CFAP61: variants seen among roughly 807,000 people sequenced by gnomAD.
CFAP61 encodes the protein cilia and flagella associated protein 61.
CFAP61 carries 107 observed loss-of-function variants against 135.6 expected under a neutral mutation model. The ratio of observed to expected loss-of-function variants is 0.79; its 90% CI spans 0.67 to 0.93. CFAP61 has a LOEUF of 0.93. Among genes scored for constraint, CFAP61 ranks in the 40% least tolerant of loss-of-function variants. The probability of loss-of-function intolerance (pLI) is 0.00; values close to 1 mark genes in which losing one functional copy is unlikely to be tolerated. For missense variants in CFAP61, 1,507 were observed against 1,556.2 expected (o/e 0.97, Z 0.53); for synonymous variants, 575 against 578.5 (o/e 0.99, Z 0.09).
At chr20:20,073,052 A>G (rs1367386460) in intron 3 of CFAP61, among the ~76,000 whole-genome samples, 1 of 152,216 alleles carries the variant, frequency 6.6e-6, no homozygotes, top group Non-Finnish European at 1.5e-5. Flanking sequence ...GGATATTTGC[A>G]GCTGAAGTAA....
chr20:20,080,956 T>C (rs2146591741), intron 6 of CFAP61, among the ~76,000 whole-genome samples: 1 of 151,830 alleles, frequency 6.6e-6, no homozygotes, highest in Non-Finnish European at 1.5e-5. Context: ...GATCCGAGAT[T>C]GTGCCATTGT....
At chr20:20,151,422 A>G (rs1475535216) in intron 9 of CFAP61, among the ~76,000 whole-genome samples, 2 of 152,106 alleles carry the variant, frequency 1.3e-5, no homozygotes, top group South Asian at 2.1e-4. Context: ...AAACCTAAGG[A>G]TAACTGGTAT....
intron 22 of CFAP61, among the ~76,000 whole-genome samples, chr20:20,279,626 A>G (rs1198790459): frequency 6.6e-6 from 1 of 152,212 alleles, no homozygotes; most frequent in Non-Finnish European, 1.5e-5. Flanking sequence ...AAATCTATGC[A>G]TAAGTGACAC....
intron 26 of CFAP61, among the ~76,000 whole-genome samples, chr20:20,353,720 A>G (rs2058936940): frequency 6.6e-6 from 1 of 152,206 alleles, no homozygotes. Context: ...TGTGACCAAA[A>G]GATATATTTA....
At chr20:20,122,051 C>T (rs2049687093) in intron 8 of CFAP61, among the ~76,000 whole-genome samples, 1 of 151,784 alleles carries the variant, frequency 6.6e-6, no homozygotes, top group Non-Finnish European at 1.5e-5. Flanking sequence ...CACCCATCAC[C>T]CAGGCAGTAT....
At chr20:20,346,895 ATAAG>A (rs1348841572) in intron 26 of CFAP61, among the ~76,000 whole-genome samples, 2 of 152,228 alleles carry the variant, frequency 1.3e-5, no homozygotes, top group Non-Finnish European at 2.9e-5. Context: ...CAATAGCACT[ATAAG>A]CCAAGTGGAC....
At chr20:20,145,118 A>G (rs200334274) in intron 9 of CFAP61, among the ~76,000 whole-genome samples, 1 of 152,248 alleles carries the variant, frequency 6.6e-6, no homozygotes, top group East Asian at 1.9e-4. Context: ...ATGGTAACAA[A>G]GTGGGTAAAT....
intron 20 of CFAP61, among the ~76,000 whole-genome samples, chr20:20,256,666 G>T (rs781079914): frequency 6.6e-6 from 1 of 152,228 alleles, no homozygotes; most frequent in Non-Finnish European, 1.5e-5. Context: ...AGGACAAAGG[G>T]ATATGCTTGG....
chr20:20,220,042 GA>G (rs2048294857), intron 17 of CFAP61: 1 of 152,248 alleles, frequency 6.6e-6, no homozygotes, highest in African/African-American at 2.4e-5. Context: ...ATGATTTTTG[GA>G]AAGTCTCTAA....
At chr20:20,299,122 G>T (rs1047378729) in intron 25 of CFAP61, among the ~76,000 whole-genome samples, 1 of 152,158 alleles carries the variant, frequency 6.6e-6, no homozygotes, top group African/African-American at 2.4e-5. Flanking sequence ...GCAACTGCCA[G>T]GATTGCCATC....
At chr20:20,075,784 T>C (rs2046008801) in intron 6 of CFAP61, among the ~76,000 whole-genome samples, 169 bp downstream of exon 6, 2 of 152,190 alleles carry the variant, frequency 1.3e-5, no homozygotes, top group South Asian at 4.1e-4. Flanking sequence ...TTAATGACAT[T>C]ATTTGCAGGA....
intron 7 of CFAP61, chr20:20,094,494 T>G (rs2047425353): frequency 1.3e-5 from 2 of 152,284 alleles, no homozygotes; most frequent in Admixed American, 1.3e-4. Flanking sequence ...CTAGTTTTAC[T>G]CTGAATCACT....
At chr20:20,252,077 C>T (rs900916005) in intron 20 of CFAP61, among the ~76,000 whole-genome samples, 12 of 152,234 alleles carry the variant, frequency 7.9e-5, no homozygotes, top group East Asian at 5.8e-4. Flanking sequence ...AGAATCCAGA[C>T]GCAACCAGGC....
chr20:20,283,403 AT>A (rs1337104781), intron 22 of CFAP61, among the ~76,000 whole-genome samples: 1 of 152,094 alleles, frequency 6.6e-6, no homozygotes, highest in Non-Finnish European at 1.5e-5. Context: ...TACATGATAT[AT>A]TTCCCATCCA....
intron 16 of CFAP61, among the ~76,000 whole-genome samples, chr20:20,198,441 G>C (rs1413205222): frequency 6.6e-6 from 1 of 152,190 alleles, no homozygotes; most frequent in African/African-American, 2.4e-5. Context: ...TTAGGAATAT[G>C]TTCCACACTG....
chr20:20,070,891 A>G lies in CFAP61; in HGVS notation c.181A>G (p.Lys61Glu). 2 of 1,614,036 alleles carry G rather than the reference A, an allele frequency of 1.2e-6. No homozygotes were observed. Among genetic ancestry groups the G allele is most frequent in the Non-Finnish European group, 1.7e-6 (2 of 1,179,942 alleles). ...CCTTGCTGTTACCCTCTGCAATGAC[A>G]AGGAGGAGATCATGGCCCAGGCCAC... ...ANLAVTLCND[K>E]EEIMAQATFL... is the part of the protein sequence containing the mutation. Residue 61 changes from lysine (K) to glutamate (E), a missense_variant, in exon 3 of 27, where the codon AAG becomes GAG. Lys to Glu is a moderately conservative substitution (Grantham distance 56). Coordinates refer to ENST00000245957, the MANE Select transcript of CFAP61 (RefSeq NM_015585.4).
chr20:20,309,444 T>A (rs1296762968), intron 25 of CFAP61, among the ~76,000 whole-genome samples: 1 of 152,138 alleles, frequency 6.6e-6, no homozygotes, highest in East Asian at 1.9e-4. Flanking sequence ...CTCTCCTTCC[T>A]GGGTGCCAGG....
chr20:20,331,117 G>T (rs1459677676), intron 25 of CFAP61, among the ~76,000 whole-genome samples: 2 of 152,156 alleles, frequency 1.3e-5, no homozygotes, highest in African/African-American at 4.8e-5. Flanking sequence ...TTACCAAATG[G>T]TGATTTTTCT....
intron 8 of CFAP61, among the ~76,000 whole-genome samples, chr20:20,102,690 G>T (rs943958606): frequency 1.3e-5 from 2 of 151,878 alleles, no homozygotes; most frequent in Non-Finnish European, 2.9e-5. Flanking sequence ...TGTGTCCATG[G>T]ACAACACACA....
Sources: allele counts gnomAD v4.1 joint callset (sites outside exome capture counted in the v4.1 genomes callset), GRCh38; gene constraint gnomAD v4.1.1; transcripts MANE v1.5; gene names NCBI Gene and HGNC (gene_info 2026-07-23, HGNC 2026-07-21).